TWIST2: variants seen among roughly 807,000 people sequenced by gnomAD.
The protein encoded by TWIST2 is twist-related protein 2.
Under a neutral mutation model 11.6 loss-of-function variants are expected in TWIST2, and 1 was observed. That is an observed-to-expected ratio of 0.09 (90% CI 0.03 to 0.41). The LOEUF is 0.41. TWIST2 is among the 10% of genes least tolerant of loss of function. TWIST2 has a pLI of 0.98. For missense variants in TWIST2, 168 were observed against 226.4 expected (o/e 0.74, Z 1.66); for synonymous variants, 87 against 96.6 (o/e 0.90, Z 0.58).
chr2:238,896,976 G>A (rs1693214768), intron 1 of TWIST2, among the ~76,000 whole-genome samples: 1 of 152,202 alleles, frequency 6.6e-6, no homozygotes, highest in Non-Finnish European at 1.5e-5. Flanking sequence ...CCTGAGTGAA[G>A]GAGTGAGGGC....
chr2:238,882,347 C>CA (rs1692951658), intron 1 of TWIST2, among the ~76,000 whole-genome samples: 1 of 152,180 alleles, frequency 6.6e-6, no homozygotes. Context: ...TAACTGGACC[C>CA]AAAACCTCTG....
At chr2:238,907,707 G>A (rs918781180) in intron 1 of TWIST2, among the ~76,000 whole-genome samples, 21 of 151,080 alleles carry the variant, frequency 1.4e-4, no homozygotes, top group African/African-American at 3.9e-4. Flanking sequence ...ACACACAAAT[G>A]CACACAATAC....
intron 1 of TWIST2, among the ~76,000 whole-genome samples, chr2:238,862,173 C>T (rs970285709): frequency 2.0e-5 from 3 of 149,630 alleles, no homozygotes; most frequent in Non-Finnish European, 4.4e-5. Flanking sequence ...CAGGCCTTTC[C>T]GACCATCTGC....
Position 238,910,159 on chromosome 2 carries a change from G to A in TWIST2, c.*353G>A, listed in dbSNP as rs1413122949. 2.6e-5 allele frequency: 4 copies of A among 152,126 alleles called. No individual in the cohort carries two copies. The highest frequency in any genetic ancestry group is 2.6e-4 in the Admixed American group (4 of 15,278). 9.4% of individuals were successfully genotyped at this position (152,126 alleles called of 1,614,324 possible). A position where few individuals can be genotyped will look rare whatever the true frequency, so the allele number is the denominator to read the frequency against. On this transcript the variant is annotated 3_prime_UTR_variant, in exon 2 of 2. Transcript: ENST00000612363. ...TGTCTAGATTCAGGAACACATTTAT[G>A]AGGATTTGGATTTTGAATTTGTATT...
rs1458725581 is a variant in TWIST2 at position 238,863,880 on chromosome 2, C to T, written c.*35+15147C>T. Among the ~76,000 whole-genome samples, 2 of 152,134 alleles carry T rather than the reference C, an allele frequency of 1.3e-5. No individual in the cohort carries two copies. Among genetic ancestry groups the T allele is most frequent in the African/African-American group, 2.4e-5 (1 of 41,418 alleles). On this transcript the variant is annotated intron_variant, in intron 1 of 1. Coordinates refer to ENST00000612363, the MANE Select transcript of TWIST2 (RefSeq NM_001271893.4). The surrounding 1 kb of genome is among the most constrained non-coding windows in gnomAD (Gnocchi z 4.7). ...CAAATGTGTGGGACTGAGGAGAGGT[C>T]GGCCGTAGAGTAGGTCTACCCCCTA...
At chr2:238,879,785 C>T (rs1471314427) in intron 1 of TWIST2, among the ~76,000 whole-genome samples, 3 of 152,234 alleles carry the variant, frequency 2.0e-5, no homozygotes, top group East Asian at 1.9e-4. Context: ...TGCAGAAGGG[C>T]ATGATTGGCT....
chr2:238,892,549 C>T (rs1047883448), intron 1 of TWIST2, among the ~76,000 whole-genome samples: 1 of 152,072 alleles, frequency 6.6e-6, no homozygotes, highest in Non-Finnish European at 1.5e-5. Context: ...GGCGTGATCT[C>T]GGCTCACTGC....
At chr2:238,849,386 C>T (rs914263422) in intron 1 of TWIST2, among the ~76,000 whole-genome samples, 1 of 152,174 alleles carries the variant, frequency 6.6e-6, no homozygotes, top group Non-Finnish European at 1.5e-5. Flanking sequence ...CCAGAGCAGC[C>T]ACAGGGCCGG....
rs1424568393 is a variant in TWIST2, at chr2:238,905,875, G to A, written c.*36-3967G>A. 6.5e-3 allele frequency among the ~76,000 whole-genome samples: 976 copies of A among 150,500 alleles called. 48 individuals carry two copies. The highest frequency in any genetic ancestry group is 0.06 in the Admixed American group (913 of 15,190). On this transcript the variant is annotated intron_variant, in intron 1 of 1. Transcript: ENST00000612363. The stretch of plus-strand genomic sequence containing the variant: ...TGTGTGCGTGTGTGTGCGTGCGTGT[G>A]TGTGCATGTGCGCGCATGCGCGTGT...
intron 1 of TWIST2, among the ~76,000 whole-genome samples, chr2:238,868,493 G>A (rs1345001301): frequency 6.6e-6 from 1 of 152,112 alleles, no homozygotes; most frequent in African/African-American, 2.4e-5. Flanking sequence ...GACTCAAGGG[G>A]TATGGCCAGA....
intron 1 of TWIST2, among the ~76,000 whole-genome samples, chr2:238,909,028 T>A (rs1693406596): frequency 6.6e-6 from 1 of 152,126 alleles, no homozygotes; most frequent in African/African-American, 2.4e-5. Flanking sequence ...TGTGGAGGTG[T>A]GGTGTATTCG....
At chr2:238,873,363 C>T (rs186929797) in intron 1 of TWIST2, among the ~76,000 whole-genome samples, 1 of 152,132 alleles carries the variant, frequency 6.6e-6, no homozygotes, top group East Asian at 1.9e-4. Context: ...ACCATGGGTG[C>T]TGAGAAGGAA....
At chr2:238,901,766 G>A (rs1175492406) in intron 1 of TWIST2, among the ~76,000 whole-genome samples, 1 of 152,158 alleles carries the variant, frequency 6.6e-6, no homozygotes, top group Non-Finnish European at 1.5e-5. Context: ...GAGAGGAGTG[G>A]CTTTGTGGGG....
At position 238,872,030 on chromosome 2, in the gene TWIST2, G is replaced by A. The variant is rs922628141; in HGVS notation, c.*35+23297G>A. Among the ~76,000 whole-genome samples, 72 of 152,188 alleles carry A rather than the reference G, an allele frequency of 4.7e-4. 1 individual carries two copies. The highest frequency in any genetic ancestry group is 2.3e-3 in the Admixed American group (35 of 15,276). ...GCCACAGAACTCTACGCTTCAAAACGTTAAGACGGTCAATTTTATGTCGTG... is the reference window on the plus strand; with the variant it reads ...GCCACAGAACTCTACGCTTCAAAACATTAAGACGGTCAATTTTATGTCGTG... On this transcript the variant is annotated intron_variant, in intron 1 of 1. Transcript: ENST00000612363.
At chr2:238,853,328 T>G (rs1692273453) in intron 1 of TWIST2, among the ~76,000 whole-genome samples, 1 of 151,664 alleles carries the variant, frequency 6.6e-6, no homozygotes, top group Non-Finnish European at 1.5e-5. Context: ...GATTGAAGTT[T>G]TAGTATTTGG....
chr2:238,894,090 TG>T (rs1693179764), intron 1 of TWIST2, among the ~76,000 whole-genome samples: 3 of 152,208 alleles, frequency 2.0e-5, no homozygotes, highest in African/African-American at 2.4e-5. Flanking sequence ...TCCAGAGGCC[TG>T]GGTTCAAATC....
At chr2:238,893,810 T>C (rs1693177082) in intron 1 of TWIST2, among the ~76,000 whole-genome samples, 2 of 152,228 alleles carry the variant, frequency 1.3e-5, no homozygotes, top group African/African-American at 4.8e-5. Flanking sequence ...GCCGACCTCC[T>C]GGCCTCCGCG....
intron 1 of TWIST2, among the ~76,000 whole-genome samples, chr2:238,871,649 A>AC (rs1319518553): frequency 4.1e-4 from 11 of 27,076 alleles, no homozygotes; most frequent in Non-Finnish European, 6.4e-4. Context: ...ACACACAAAC[A>AC]CCCCCCCCAC....
chr2:238,895,208 A>G (rs1693193108), intron 1 of TWIST2, among the ~76,000 whole-genome samples: 1 of 152,266 alleles, frequency 6.6e-6, no homozygotes, highest in South Asian at 2.1e-4. Flanking sequence ...GGCTTGGACC[A>G]GTGTGTCAGT....
Sources: allele counts gnomAD v4.1 joint callset (sites outside exome capture counted in the v4.1 genomes callset), GRCh38; gene constraint gnomAD v4.1.1; non-coding constraint Gnocchi (gnomAD v3.1); transcripts MANE v1.5; gene names NCBI Gene and HGNC (gene_info 2026-07-23, HGNC 2026-07-21).